ADAM23: variants seen among roughly 807,000 people sequenced by gnomAD.
ADAM23 encodes disintegrin and metalloproteinase domain-containing protein 23.
ADAM23 carries 33 observed loss-of-function variants against 120.1 expected under a neutral mutation model. The observed-to-expected ratio is 0.27, with a 90% confidence interval of 0.21 to 0.37. The LOEUF (loss-of-function observed/expected upper bound fraction) is 0.37, where lower values mean the gene tolerates loss of function less well. Among genes scored for constraint, ADAM23 ranks in the 10% least tolerant of loss-of-function variants. ADAM23 has a pLI of 1.00. For missense variants in ADAM23, 862 were observed against 1,058.2 expected (o/e 0.81, Z 2.57); for synonymous variants, 367 against 375.2 (o/e 0.98, Z 0.25).
chr2:206,501,097 G>A (rs1034369586), intron 3 of ADAM23, among the ~76,000 whole-genome samples: 1 of 151,858 alleles, frequency 6.6e-6, no homozygotes, highest in African/African-American at 2.4e-5. Context: ...CAGTGAAAAC[G>A]ATTACATGTA....
In ADAM23 at chr2:206,597,144, G is replaced by C. The variant is rs180887265; in HGVS notation, c.2359+982G>C. On this transcript the variant is annotated intron_variant, in intron 24 of 25. Coordinates refer to ENST00000264377, the MANE Select transcript of ADAM23 (RefSeq NM_003812.4). ...GCCTCTCAAAGTTCTGGGATTATAG[G>C]TGTGAACCACTGCACCCGCCCCTCT... Among the ~76,000 whole-genome samples, 720 of 149,440 alleles carry C rather than the reference G, an allele frequency of 4.8e-3. 7 individuals are homozygous for C. The highest frequency in any genetic ancestry group is 8.9e-3 in the Non-Finnish European group (601 of 67,276).
intron 4 of ADAM23, among the ~76,000 whole-genome samples, chr2:206,533,332 G>A (rs894792864): frequency 1.3e-5 from 2 of 151,994 alleles, no homozygotes; most frequent in Non-Finnish European, 2.9e-5. Context: ...CTCCCAAGTC[G>A]CTGGGATTAC....
intron 9 of ADAM23, among the ~76,000 whole-genome samples, chr2:206,550,834 C>A (rs1242308789): frequency 6.6e-6 from 1 of 152,182 alleles, no homozygotes; most frequent in African/African-American, 2.4e-5. Context: ...ATCTCCTGAC[C>A]TCGTGATCCG....
At position 206,620,437 on chromosome 2, in the gene ADAM23, A is replaced by G. The variant is rs1414479143; in HGVS notation, c.*2810A>G. Reference sequence around the variant, plus strand: ...TCAATTGTAAAAATGGATTATAATTATTTTTGATGGTATTAGGTTATGTAG... The same window carrying G: ...TCAATTGTAAAAATGGATTATAATTGTTTTTGATGGTATTAGGTTATGTAG... On this transcript the variant is annotated 3_prime_UTR_variant, in exon 26 of 26. Transcript: ENST00000264377. 6.6e-6 allele frequency: 1 copy of G among 152,174 alleles called. No homozygotes were observed. 9.4% of individuals were successfully genotyped at this position (152,174 alleles called of 1,614,324 possible). A position where few individuals can be genotyped will look rare whatever the true frequency, so the allele number is the denominator to read the frequency against.
intron 3 of ADAM23, among the ~76,000 whole-genome samples, chr2:206,515,976 C>T (rs1233900529): frequency 4.0e-5 from 6 of 151,784 alleles, no homozygotes; most frequent in African/African-American, 1.2e-4. Context: ...TATCTGTAAA[C>T]ATTTTGGGTT....
At chr2:206,605,522 T>G (rs1354608704) in intron 24 of ADAM23, among the ~76,000 whole-genome samples, 1 of 150,466 alleles carries the variant, frequency 6.6e-6, no homozygotes, top group Non-Finnish European at 1.5e-5. Context: ...TGGTAGGAAC[T>G]ATAACAAATT....
chr2:206,541,917 T>C, intron 4 of ADAM23, 135 bp from the exon 5 acceptor site: 1 of 827,008 alleles, frequency 1.2e-6, no homozygotes, highest in East Asian at 2.5e-5. Context: ...CAACTTTATA[T>C]AGGAGGAGTT....
At chr2:206,589,352 G>C (rs1484955233) in intron 20 of ADAM23, 57 bp from the exon 21 acceptor site, 2 of 1,467,930 alleles carry the variant, frequency 1.4e-6, no homozygotes, top group East Asian at 4.8e-5. Context: ...CACACTACTG[G>C]TTATGGATAA....
At chr2:206,573,668 A>G (rs1327577597) in intron 18 of ADAM23, among the ~76,000 whole-genome samples, 1 of 152,188 alleles carries the variant, frequency 6.6e-6, no homozygotes, top group Non-Finnish European at 1.5e-5. Context: ...TGAAAAAATA[A>G]TATGTTCACC....
At chr2:206,529,527 T>C (rs1432374871) in intron 3 of ADAM23, among the ~76,000 whole-genome samples, 1 of 152,022 alleles carries the variant, frequency 6.6e-6, no homozygotes, top group Non-Finnish European at 1.5e-5. Context: ...GGCTCCCTAG[T>C]AGTTGGGACC....
intron 10 of ADAM23, 127 bp from the exon 11 acceptor site, chr2:206,559,828 A>G (rs771609511): frequency 7.0e-6 from 5 of 718,202 alleles, no homozygotes; most frequent in Admixed American, 2.9e-5. Context: ...ATTCTCTATA[A>G]TGGGCTAATT....
chr2:206,539,716 C>G (rs1697252307), intron 4 of ADAM23, among the ~76,000 whole-genome samples: 1 of 152,104 alleles, frequency 6.6e-6, no homozygotes, highest in Non-Finnish European at 1.5e-5. Flanking sequence ...GCTTGGCACC[C>G]AAGATGGATT....
intron 24 of ADAM23, among the ~76,000 whole-genome samples, chr2:206,598,265 C>T (rs1484335098): frequency 2.0e-5 from 3 of 152,026 alleles, no homozygotes; most frequent in Admixed American, 6.6e-5. Context: ...AAAGATGCCT[C>T]AACGGATGAG....
At chr2:206,575,329 A>T (rs536761100) in intron 18 of ADAM23, among the ~76,000 whole-genome samples, 1 of 152,312 alleles carries the variant, frequency 6.6e-6, no homozygotes, top group East Asian at 1.9e-4. Context: ...CATTATTTTA[A>T]AAGCATTTCC....
intron 22 of ADAM23, among the ~76,000 whole-genome samples, chr2:206,594,296 T>A (rs1047588679): frequency 6.6e-6 from 1 of 152,176 alleles, no homozygotes; most frequent in African/African-American, 2.4e-5. Flanking sequence ...TAATCAGATC[T>A]TCTGAAGTAA....
chr2:206,445,617 TGCA>T, intron 2 of ADAM23, 93 bp downstream of exon 2: 1 of 1,086,490 alleles, frequency 9.2e-7, no homozygotes. Flanking sequence ...CAAATTTTAC[TGCA>T]GCATTTTATT....
chr2:206,606,037 T>C (rs1026406956), intron 24 of ADAM23, among the ~76,000 whole-genome samples: 6 of 152,242 alleles, frequency 3.9e-5, no homozygotes, highest in Admixed American at 3.9e-4. Flanking sequence ...TGTGGTTTTC[T>C]TGTGTCATGT....
chr2:206,547,291 T>C, intron 6 of ADAM23, 138 bp from the exon 7 acceptor site: 1 of 587,270 alleles, frequency 1.7e-6, no homozygotes, highest in East Asian at 3.0e-5. Context: ...TAAGACATAC[T>C]TTTCACTTTT....
chr2:206,549,120 A>G (rs1052966320), intron 8 of ADAM23, among the ~76,000 whole-genome samples: 10 of 152,034 alleles, frequency 6.6e-5, no homozygotes, highest in Non-Finnish European at 1.5e-4. Flanking sequence ...ATGAGTAACT[A>G]TAGTAGAAAT....
Sources: gnomAD v4.1 joint callset for allele counts (sites outside exome capture counted in the v4.1 genomes callset) on GRCh38, gnomAD v4.1.1 for gene constraint, MANE v1.5 for transcripts, NCBI Gene and HGNC (gene_info 2026-07-23, HGNC 2026-07-21) for gene names.